The following UVRAG variants were observed in gnomAD, a reference collection of about 807,000 sequenced individuals.
UVRAG encodes UV radiation resistance-associated gene protein.
UVRAG carries 19 observed loss-of-function variants against 78.0 expected under a neutral mutation model. The ratio of observed to expected loss-of-function variants is 0.24; its 90% CI spans 0.17 to 0.36. The LOEUF (loss-of-function observed/expected upper bound fraction) is 0.36, where lower values mean the gene tolerates loss of function less well. Ranked by LOEUF, UVRAG falls within the 10% of genes least tolerant of loss-of-function variation. The probability of loss-of-function intolerance (pLI) is 1.00; values close to 1 mark genes in which losing one functional copy is unlikely to be tolerated. For synonymous variants in UVRAG, 323 were observed against 324.6 expected (o/e 1.00, Z 0.05); for missense variants, 740 against 853.8 (o/e 0.87, Z 1.66).
intron 3 of UVRAG, among the ~76,000 whole-genome samples, chr11:75,863,795 G>A: frequency 6.6e-6 from 1 of 152,150 alleles, no homozygotes; most frequent in East Asian, 1.9e-4. Context: ...TCAACTCACA[G>A]TTTATACTAT....
chr11:75,983,420 T>C lies in UVRAG; in HGVS notation c.733T>C (p.Leu245=). The part of the protein sequence containing the change: ...KKSECLQLKI[L]VLQNELERQK... ...AAGTGAATGCCTGCAGTTAAAAATT[T>C]TGGTGCTTCAGAATGAACTGGAACG... is the stretch of plus-strand genomic sequence containing the variant. The change falls in exon 8 of 15, where the codon TTG becomes CTG. Residue 245 remains leucine, a synonymous_variant. Transcript: ENST00000356136. 2 of 1,604,398 alleles carry C rather than the reference T, an allele frequency of 1.2e-6. No homozygotes were observed. The highest frequency in any genetic ancestry group is 1.7e-6 in the Non-Finnish European group (2 of 1,175,756).
At position 75,853,378 on chromosome 11, in the gene UVRAG, C is replaced by T. The variant is rs534128550; in HGVS notation, c.235+1378C>T. Among the ~76,000 whole-genome samples the T allele has an allele frequency of 6.2e-5, 7 of 112,902 alleles. No homozygotes were observed. In the South Asian group the frequency reaches 1.6e-3, roughly 25 times the overall value. The allele number at this position is 112,902 out of a possible 152,430, so 74.1% of individuals were successfully genotyped here. On this transcript the variant is annotated intron_variant, in intron 2 of 14. Transcript: ENST00000356136. ...AATTCCCGCCCACCCCACCCTGAGA[C>T]GGAGTTTCGCTGTGTCACCCAGCCA...
At chr11:75,970,005 A>G (rs1949094166) in intron 7 of UVRAG, among the ~76,000 whole-genome samples, 1 of 152,240 alleles carries the variant, frequency 6.6e-6, no homozygotes, top group African/African-American at 2.4e-5. Flanking sequence ...TAGGAAGGAG[A>G]TAAAAATTTA....
chr11:76,091,463 TTTTA>T (rs1458808302), intron 13 of UVRAG, among the ~76,000 whole-genome samples: 1 of 152,108 alleles, frequency 6.6e-6, no homozygotes, highest in Non-Finnish European at 1.5e-5. Flanking sequence ...GTTTACTCCC[TTTTA>T]TTTTTTTTTA....
chr11:75,971,390 G>A (rs1267513783), intron 7 of UVRAG, among the ~76,000 whole-genome samples: 1 of 152,190 alleles, frequency 6.6e-6, no homozygotes, highest in Non-Finnish European at 1.5e-5. Context: ...TGTATAGTAA[G>A]ACTATTTTAG....
chr11:76,070,063 T>A (rs1396432224), intron 13 of UVRAG, among the ~76,000 whole-genome samples: 9 of 152,136 alleles, frequency 5.9e-5, no homozygotes, highest in Admixed American at 5.9e-4. Flanking sequence ...TAATGAATTT[T>A]AAAAATTGTG....
intron 13 of UVRAG, among the ~76,000 whole-genome samples, chr11:76,080,258 A>G (rs752734349): frequency 6.6e-6 from 1 of 152,226 alleles, no homozygotes; most frequent in Non-Finnish European, 1.5e-5. Flanking sequence ...TGTGAAGATT[A>G]GGTAGCATAG....
chr11:76,091,656 T>G (rs1238782610), intron 13 of UVRAG, among the ~76,000 whole-genome samples: 1 of 152,164 alleles, frequency 6.6e-6, no homozygotes, highest in Non-Finnish European at 1.5e-5. Context: ...TATTTTTAAT[T>G]TCTAAGAGTT....
intron 5 of UVRAG, among the ~76,000 whole-genome samples, chr11:75,894,821 AAG>A: frequency 6.6e-6 from 1 of 151,674 alleles, no homozygotes; most frequent in Non-Finnish European, 1.5e-5. Flanking sequence ...AAAAAAAAAA[AAG>A]ATGGAAAGCA....
At chr11:75,882,240 G>T (rs922602393) in intron 4 of UVRAG, among the ~76,000 whole-genome samples, 1 of 152,094 alleles carries the variant, frequency 6.6e-6, no homozygotes, top group Non-Finnish European at 1.5e-5. Context: ...GCCAGGTGTG[G>T]TGGCTCATGC....
chr11:75,847,584 T>C (rs7937592), intron 1 of UVRAG, among the ~76,000 whole-genome samples: 3,957 of 152,126 alleles, frequency 0.026, 193 homozygotes, highest in African/African-American at 0.091. Flanking sequence ...GGAATGAACG[T>C]TATTAAAAAA....
rs1952761339 is a variant in UVRAG at position 76,143,686 on chromosome 11, C to T, written c.*2273C>T. 1.3e-5 allele frequency among the ~76,000 whole-genome samples: 2 copies of T among 152,202 alleles called. No individual in the cohort carries two copies. Among genetic ancestry groups the T allele is most frequent in the African/African-American group, 2.4e-5 (1 of 41,438 alleles). ...AGTTTCTGCCATGACCTGGGTAGAA[C>T]CTATGGGATTACCCGTCTCCTGGAA... On this transcript the variant is annotated 3_prime_UTR_variant, in exon 15 of 15. Coordinates refer to ENST00000356136, the MANE Select transcript of UVRAG (RefSeq NM_003369.4).
intron 5 of UVRAG, among the ~76,000 whole-genome samples, chr11:75,904,029 T>G (rs1048045794): frequency 4.6e-5 from 7 of 152,206 alleles, no homozygotes; most frequent in Admixed American, 1.3e-4. Context: ...CCAGCACATA[T>G]TTTTGTATAG....
chr11:76,116,233 A>G (rs1259694251), intron 14 of UVRAG, among the ~76,000 whole-genome samples: 1 of 152,162 alleles, frequency 6.6e-6, no homozygotes, highest in Non-Finnish European at 1.5e-5. Context: ...CCAAGGGGAT[A>G]TTGCTTGAAC....
At chr11:75,831,884 C>T (rs910679742) in intron 1 of UVRAG, among the ~76,000 whole-genome samples, 2 of 152,260 alleles carry the variant, frequency 1.3e-5, no homozygotes, top group South Asian at 4.1e-4. Flanking sequence ...TTTCCATTAG[C>T]CTATAGTTGG....
chr11:76,115,852 G>A (rs771539527), intron 13 of UVRAG, 72 bp from the exon 14 acceptor site: 5 of 1,361,298 alleles, frequency 3.7e-6, no homozygotes, highest in Non-Finnish European at 5.2e-6. Flanking sequence ...AAAATAACTT[G>A]TTTAGTGGTT....
chr11:75,998,382 A>G (rs1380375576), intron 8 of UVRAG, among the ~76,000 whole-genome samples: 2 of 149,412 alleles, frequency 1.3e-5, no homozygotes, highest in Admixed American at 1.3e-4. Context: ...AGAATAGCTG[A>G]CCCAAAATAA....
rs565556127 is a variant in UVRAG at position 76,048,954 on chromosome 11, C to T, written c.1227-16756C>T. 9.4e-4 allele frequency among the ~76,000 whole-genome samples: 143 copies of T among 152,314 alleles called. 1 individual carries two copies. In the South Asian group the frequency reaches 0.028, roughly 30 times the overall value. On this transcript the variant is annotated intron_variant, in intron 12 of 14. Transcript: ENST00000356136. ...CAGGCATAGGGCAGCAGGCATAAGC[C>T]GAGGTAAACAGCCCACATGACTCAG...
chr11:76,137,157 A>G, intron 14 of UVRAG: 1 of 340,412 alleles, frequency 2.9e-6, no homozygotes, highest in South Asian at 2.4e-5. Context: ...CCCGCCACGC[A>G]AATCCTGTTT....
Sources: gnomAD v4.1 joint callset for allele counts (sites outside exome capture counted in the v4.1 genomes callset) on GRCh38, gnomAD v4.1.1 for gene constraint, MANE v1.5 for transcripts, NCBI Gene and HGNC (gene_info 2026-07-23, HGNC 2026-07-21) for gene names.